HIRA: variants seen among roughly 807,000 people sequenced by gnomAD.
The protein encoded by HIRA is histone cell cycle regulator, also known as protein HIRA.
Under a neutral mutation model 126.6 loss-of-function variants are expected in HIRA, and 13 were observed. That is an observed-to-expected ratio of 0.10 (90% CI 0.07 to 0.16). The LOEUF is 0.16. Among genes scored for constraint, HIRA ranks in the 10% least tolerant of loss-of-function variants. The pLI is 1.00. For synonymous variants in HIRA, 511 were observed against 520.0 expected, an observed-to-expected ratio of 0.98 and a Z score of 0.24; for missense variants, 834 against 1,314.4, an observed-to-expected ratio of 0.63 and a Z score of 5.65.
At chr22:19,375,028 C>A (rs537980182) in intron 15 of HIRA, among the ~76,000 whole-genome samples, 1 of 152,324 alleles carries the variant, frequency 6.6e-6, no homozygotes, top group Non-Finnish European at 1.5e-5. Context: ...TGCAGACATT[C>A]GCTCTGGCCA....
chr22:19,378,414 T>C (rs1308834325), intron 13 of HIRA, among the ~76,000 whole-genome samples: 1 of 152,240 alleles, frequency 6.6e-6, no homozygotes, highest in Non-Finnish European at 1.5e-5. Context: ...CTCCCTTTCA[T>C]GAAGGGCCAT....
intron 4 of HIRA, 49 bp from the exon 5 acceptor site, chr22:19,405,929 T>C: frequency 8.3e-7 from 1 of 1,212,082 alleles, no homozygotes; most frequent in Non-Finnish European, 1.1e-6. Flanking sequence ...CTCTGGGCAC[T>C]GCATAGAAAT....
At chr22:19,390,720 A>G (rs1253164332) in intron 9 of HIRA, among the ~76,000 whole-genome samples, 1 of 151,276 alleles carries the variant, frequency 6.6e-6, no homozygotes, top group Non-Finnish European at 1.5e-5. Flanking sequence ...CCAGGGGTGA[A>G]ATGGACTAAT....
chr22:19,357,458 C>T (rs913477259), intron 18 of HIRA, among the ~76,000 whole-genome samples: 11 of 152,206 alleles, frequency 7.2e-5, no homozygotes, highest in African/African-American at 2.7e-4. Flanking sequence ...TCTAACAAGG[C>T]AGGCTAAGAG....
In HIRA at chr22:19,383,724, A is replaced by G. The variant is rs1292023269; in HGVS notation, c.1330-19T>C. 3 of 1,599,230 alleles carry G rather than the reference A, an allele frequency of 1.9e-6. No individual in the cohort carries two copies. In the South Asian group the frequency reaches 3.4e-5, roughly 18 times the overall value. ...AAAGATTCTGGCAAAGCAGAGTTAC[A>G]TAAATGAATGCAAAAGTTTTGGCCA... is the stretch of plus-strand genomic sequence containing the variant. On this transcript the variant is annotated intron_variant, in intron 12 of 24. Transcript: ENST00000263208.
At chr22:19,422,343 A>G (rs1201640568) in intron 1 of HIRA, among the ~76,000 whole-genome samples, 1 of 151,952 alleles carries the variant, frequency 6.6e-6, no homozygotes, top group East Asian at 1.9e-4. Context: ...ATCCTGATCC[A>G]GACCATCTCT....
chr22:19,382,557 C>T (rs2089083578), intron 13 of HIRA, among the ~76,000 whole-genome samples: 2 of 152,168 alleles, frequency 1.3e-5, no homozygotes, highest in African/African-American at 2.4e-5. Flanking sequence ...TGGATCTGTA[C>T]ACTGTACGAG....
intron 5 of HIRA, among the ~76,000 whole-genome samples, chr22:19,399,896 G>C (rs147001703): frequency 1.3e-5 from 2 of 152,280 alleles, no homozygotes; most frequent in Non-Finnish European, 2.9e-5. Flanking sequence ...TTCGGGCAGT[G>C]GGTCTAACAA....
intron 15 of HIRA, chr22:19,365,912 G>A (rs1039127169): frequency 1.3e-5 from 2 of 152,266 alleles, no homozygotes; most frequent in Admixed American, 6.5e-5. Context: ...ACCACACCAG[G>A]TTGCCTAAGG....
chr22:19,407,334 T>C, intron 3 of HIRA, 60 bp from the exon 4 acceptor site: 1 of 1,353,046 alleles, frequency 7.4e-7, no homozygotes, highest in South Asian at 1.2e-5. Flanking sequence ...TTGCTTTATG[T>C]AGAGTTTGGC....
chr22:19,333,780 T>C (rs1490360952), intron 24 of HIRA, among the ~76,000 whole-genome samples: 3 of 152,220 alleles, frequency 2.0e-5, no homozygotes, highest in Non-Finnish European at 4.4e-5. Context: ...TTCTTCATTC[T>C]ATTTTCTTTT....
chr22:19,351,389 G>T lies in HIRA; in HGVS notation c.2906C>A (p.Ser969Tyr), dbSNP rs1365953754. ...CKDLLGPVHY[S>Y]TGSQWESTVV... ...TGTTGACTCCCACTGGCTTCCAGTGGAGTAGTGAACCGGACCCAGTAAGTC... is the reference window on the plus strand; with the variant it reads ...TGTTGACTCCCACTGGCTTCCAGTGTAGTAGTGAACCGGACCCAGTAAGTC... Residue 969 changes from serine to tyrosine, a missense_variant, in exon 24 of 25, where the codon TCC (serine) becomes TAC (tyrosine). Physicochemically the swap from Ser to Tyr is moderately radical, Grantham distance 144. Around this residue, in one of 5 missense-constraint regions of HIRA, gnomAD observed 58 missense variants for 114.5 expected, o/e 0.51. Transcript: ENST00000263208. The surrounding 1 kb of genome is among the most constrained non-coding windows in gnomAD (Gnocchi z 4.8). 1 of 1,613,456 alleles carries T rather than the reference G, an allele frequency of 6.2e-7. No homozygotes were observed. The highest frequency in any genetic ancestry group is 1.1e-5 in the South Asian group (1 of 90,882).
chr22:19,417,020 T>C (rs551427806), intron 1 of HIRA, among the ~76,000 whole-genome samples: 16 of 151,654 alleles, frequency 1.1e-4, no homozygotes, highest in African/African-American at 3.9e-4. Context: ...GCCAACATGG[T>C]GAAACCCCAT....
chr22:19,338,112 A>G (rs1469419620), intron 24 of HIRA, among the ~76,000 whole-genome samples: 2 of 152,150 alleles, frequency 1.3e-5, no homozygotes, highest in Admixed American at 6.5e-5. Context: ...TCAGATTAAC[A>G]GCAGATTTCT....
intron 15 of HIRA, among the ~76,000 whole-genome samples, chr22:19,374,069 A>T (rs1454116005): frequency 6.6e-6 from 1 of 152,028 alleles, no homozygotes; most frequent in Non-Finnish European, 1.5e-5. Context: ...GCGGTGGCTC[A>T]CGCCTGTAAT....
chr22:19,383,073 G>A (rs2089091122), intron 13 of HIRA, among the ~76,000 whole-genome samples: 2 of 152,040 alleles, frequency 1.3e-5, no homozygotes, highest in African/African-American at 2.4e-5. Context: ...TGGGAATCTG[G>A]ATAATCAGAT....
chr22:19,384,914 A>G (rs568186733), intron 12 of HIRA, among the ~76,000 whole-genome samples: 14 of 152,042 alleles, frequency 9.2e-5, no homozygotes, highest in Admixed American at 9.2e-4. Flanking sequence ...TCAGCCTCCC[A>G]AAGTGCTGGG....
At chr22:19,401,501 T>C (rs2089268535) in intron 5 of HIRA, among the ~76,000 whole-genome samples, 2 of 152,180 alleles carry the variant, frequency 1.3e-5, no homozygotes, top group South Asian at 4.1e-4. Flanking sequence ...CCAAGATTCA[T>C]ATTTCCAAAT....
At chr22:19,371,759 A>G (rs1402896020) in intron 15 of HIRA, among the ~76,000 whole-genome samples, 3 of 152,200 alleles carry the variant, frequency 2.0e-5, no homozygotes, top group Non-Finnish European at 4.4e-5. Flanking sequence ...TTCTCTTAGC[A>G]TAATGTCTTT....
Sources: allele counts gnomAD v4.1 joint callset (sites outside exome capture counted in the v4.1 genomes callset), GRCh38; gene constraint gnomAD v4.1.1; regional missense constraint gnomAD v4.1.1; non-coding constraint Gnocchi (gnomAD v3.1); transcripts MANE v1.5; gene names NCBI Gene and HGNC (gene_info 2026-07-23, HGNC 2026-07-21).